Variants in LRRC8D observed in about 807,000 individuals in gnomAD.
LRRC8D encodes the protein volume-regulated anion channel subunit LRRC8D.
A neutral mutation model predicts 55.8 loss-of-function variants in LRRC8D; 20 were observed. The observed-to-expected ratio is 0.36, with a 90% CI of 0.25 to 0.52. The LOEUF (loss-of-function observed/expected upper bound fraction) is 0.52. Ranked by LOEUF, LRRC8D falls within the 20% of genes least tolerant of loss-of-function variation. The probability of loss-of-function intolerance (pLI) is 0.93; values close to 1 mark genes in which losing one functional copy is unlikely to be tolerated. For synonymous variants in LRRC8D, 352 were observed against 377.0 expected (o/e 0.93, Z 0.77); for missense variants, 651 against 1,030.8 (o/e 0.63, Z 5.05).
chr1:89,849,686 G>T (rs1249806699), intron 2 of LRRC8D, among the ~76,000 whole-genome samples: 1 of 151,666 alleles, frequency 6.6e-6, no homozygotes, highest in African/African-American at 2.4e-5. Context: ...TATGTCTTTA[G>T]CCTGCCCTTT....
intron 2 of LRRC8D, among the ~76,000 whole-genome samples, chr1:89,904,831 G>C (rs1557477302): frequency 6.6e-6 from 1 of 152,088 alleles, no homozygotes; most frequent in Admixed American, 6.6e-5. Flanking sequence ...CTTGAAGTTG[G>C]TAATAACATT....
intron 2 of LRRC8D, among the ~76,000 whole-genome samples, chr1:89,878,950 A>G (rs1328170394): frequency 2.7e-5 from 4 of 148,866 alleles, no homozygotes; most frequent in Non-Finnish European, 5.9e-5. Context: ...CTGGGCAACA[A>G]GAGCGAAAAT....
At position 89,835,359 on chromosome 1, in the gene LRRC8D, G is replaced by A. The variant is rs180827060; in HGVS notation, c.-147-8279G>A. Among the ~76,000 whole-genome samples, 173 of 152,338 alleles carry A rather than the reference G, an allele frequency of 1.1e-3. 1 individual carries two copies. Among genetic ancestry groups the A allele is most frequent in the African/African-American group, 3.7e-3 (155 of 41,576 alleles). On this transcript the variant is annotated intron_variant, in intron 1 of 2. Transcript: ENST00000337338. ...GGGCCAGTCATCAAACTTTGTGGAA[G>A]TTCTGTCTGTGTAGGTTCTATGGTT...
intron 2 of LRRC8D, among the ~76,000 whole-genome samples, chr1:89,852,434 G>T (rs1661442944): frequency 6.6e-6 from 1 of 152,094 alleles, no homozygotes. Context: ...GGAGACATTT[G>T]CTGAGCTCCA....
chr1:89,919,666 C>T (rs937164525), intron 2 of LRRC8D, among the ~76,000 whole-genome samples: 1 of 152,212 alleles, frequency 6.6e-6, no homozygotes, highest in African/African-American at 2.4e-5. Context: ...AAATTCTTCA[C>T]TCAGTTTGGG....
rs1229340071 is a variant in LRRC8D at position 89,843,773 on chromosome 1, C to G, written c.-12C>G. On this transcript the variant is annotated 5_prime_UTR_variant, in exon 2 of 3. Coordinates refer to ENST00000337338, the MANE Select transcript of LRRC8D (RefSeq NM_001134479.2). ...GCGCCCTGAGAGAACAGGGTGGCCG[C>G]TTGGTCCAGGTGCGCGGGGTCGGGT... 3 of 689,878 alleles carry G rather than the reference C, an allele frequency of 4.3e-6. No homozygotes were observed. The highest frequency in any genetic ancestry group is 2.7e-4 in the Middle Eastern group (1 of 3,726). 42.7% of individuals were successfully genotyped at this position (689,878 alleles called of 1,614,324 possible). A position where few individuals can be genotyped will look rare whatever the true frequency, so the allele number is the denominator to read the frequency against.
At chr1:89,918,655 G>T (rs1029548770) in intron 2 of LRRC8D, among the ~76,000 whole-genome samples, 4 of 152,202 alleles carry the variant, frequency 2.6e-5, no homozygotes, top group Admixed American at 1.3e-4. Context: ...CCTAGTGAGG[G>T]TATGCCCAAG....
At chr1:89,827,549 ATC>A (rs1660794341) in intron 1 of LRRC8D, among the ~76,000 whole-genome samples, 2 of 152,164 alleles carry the variant, frequency 1.3e-5, no homozygotes, top group South Asian at 4.1e-4. Context: ...GTCCTTGCTC[ATC>A]TGTTTCTTTG....
intron 2 of LRRC8D, among the ~76,000 whole-genome samples, chr1:89,899,620 A>G (rs1328373558): frequency 6.6e-6 from 1 of 152,232 alleles, no homozygotes. Context: ...TTACACTCAC[A>G]TTTGAAAATT....
At chr1:89,889,836 T>C (rs922068609) in intron 2 of LRRC8D, among the ~76,000 whole-genome samples, 1 of 148,310 alleles carries the variant, frequency 6.7e-6, no homozygotes, top group African/African-American at 2.5e-5. Flanking sequence ...TGAGCCGAGA[T>C]TGTGCTCCTG....
chr1:89,933,286 C>T lies in LRRC8D; in HGVS notation c.218C>T (p.Ala73Val). The change falls in exon 3 of 3, where the codon GCC becomes GTC. Residue 73 changes from alanine (A) to valine (V), a missense_variant. Coordinates refer to ENST00000337338, the MANE Select transcript of LRRC8D (RefSeq NM_001134479.2). The surrounding 1 kb of genome is among the most constrained non-coding windows in gnomAD (Gnocchi z 7.0). Reference protein sequence around the residue: ...NSKAHTPPGNAEVTTNIPKME... With the variant: ...NSKAHTPPGNVEVTTNIPKME... Reference sequence around the variant, plus strand: ...AAGGCACATACACCACCAGGAAATGCCGAGGTCACCACCAACATCCCAAAG... The same window carrying T: ...AAGGCACATACACCACCAGGAAATGTCGAGGTCACCACCAACATCCCAAAG... 4 of 1,614,148 alleles carry T rather than the reference C, an allele frequency of 2.5e-6. No homozygotes were observed. Among genetic ancestry groups the T allele is most frequent in the Non-Finnish European group, 3.4e-6 (4 of 1,180,026 alleles).
At chr1:89,889,832 G>A (rs1290270393) in intron 2 of LRRC8D, among the ~76,000 whole-genome samples, 2 of 150,612 alleles carry the variant, frequency 1.3e-5, no homozygotes, top group Non-Finnish European at 3.0e-5. Context: ...GCAGTGAGCC[G>A]AGATTGTGCT....
At chr1:89,865,345 T>C (rs1661816412) in intron 2 of LRRC8D, among the ~76,000 whole-genome samples, 1 of 147,826 alleles carries the variant, frequency 6.8e-6, no homozygotes, top group South Asian at 2.1e-4. Flanking sequence ...TATATATATA[T>C]ATATATATAT....
chr1:89,827,345 A>C (rs1660788441), intron 1 of LRRC8D, among the ~76,000 whole-genome samples: 1 of 8,322 alleles, frequency 1.2e-4, no homozygotes, highest in African/African-American at 2.6e-4. Context: ...GACTGTCTCA[A>C]AAAAAAAAAA....
chr1:89,900,187 G>C (rs1662816332), intron 2 of LRRC8D, among the ~76,000 whole-genome samples: 2 of 152,206 alleles, frequency 1.3e-5, no homozygotes, highest in Admixed American at 1.3e-4. Flanking sequence ...GGCAAAGACA[G>C]GTAATTAACA....
At chr1:89,843,070 A>T (rs1439155659) in intron 1 of LRRC8D, 1 of 152,230 alleles carries the variant, frequency 6.6e-6, no homozygotes, top group African/African-American at 2.4e-5. Flanking sequence ...GCGAGGCACA[A>T]GACAAGTAAT....
At chr1:89,831,611 A>G (rs1214593867) in intron 1 of LRRC8D, among the ~76,000 whole-genome samples, 4 of 152,162 alleles carry the variant, frequency 2.6e-5, no homozygotes, top group South Asian at 2.1e-4. Context: ...AAAAATGTCA[A>G]TGTTTAGAAA....
At position 89,872,716 on chromosome 1, in the gene LRRC8D, G is replaced by A. The variant is rs144088472; in HGVS notation, c.-3+28934G>A. Among the ~76,000 whole-genome samples the A allele has an allele frequency of 1.0e-3, 159 of 152,192 alleles. 1 individual carries two copies. The highest frequency in any genetic ancestry group is 3.7e-3 in the African/African-American group (153 of 41,512). ...GCATTTCCCTGAGATGAATGCTGTGGGTTTTTGCAGTCTCTCCCCAACTTT... is the reference window on the plus strand; with the variant it reads ...GCATTTCCCTGAGATGAATGCTGTGAGTTTTTGCAGTCTCTCCCCAACTTT... On this transcript the variant is annotated intron_variant, in intron 2 of 2. Coordinates refer to ENST00000337338, the MANE Select transcript of LRRC8D (RefSeq NM_001134479.2).
At chr1:89,841,332 G>C (rs1443075410) in intron 1 of LRRC8D, among the ~76,000 whole-genome samples, 1 of 152,092 alleles carries the variant, frequency 6.6e-6, no homozygotes, top group Non-Finnish European at 1.5e-5. Flanking sequence ...AAGTCTGTGA[G>C]GTGAGGAGAA....
Sources: gnomAD v4.1 joint callset for allele counts (sites outside exome capture counted in the v4.1 genomes callset) on GRCh38, gnomAD v4.1.1 for gene constraint, Gnocchi (gnomAD v3.1) non-coding constraint, MANE v1.5 for transcripts, NCBI Gene and HGNC (gene_info 2026-07-23, HGNC 2026-07-21) for gene names.